DIAPH2: variants seen among roughly 807,000 people sequenced by gnomAD.
The protein encoded by DIAPH2 is diaphanous related formin 2.
In DIAPH2, 35 loss-of-function variants were observed where a neutral mutation model predicts 92.7. That is an observed-to-expected ratio of 0.38 (90% CI 0.29 to 0.50). The LOEUF is 0.50. Ranked by LOEUF, DIAPH2 falls within the 20% of genes least tolerant of loss-of-function variation. The pLI, the probability that DIAPH2 is intolerant of heterozygous loss-of-function variation, is 0.94. For missense variants in DIAPH2, 701 were observed against 819.5 expected, an observed-to-expected ratio of 0.86 and a Z score of 1.77; for synonymous variants, 301 against 280.4, an observed-to-expected ratio of 1.07 and a Z score of -0.73.
At chrX:97,423,891 A>T (rs2070036007) in intron 25 of DIAPH2, among the ~76,000 whole-genome samples, 1 of 111,597 alleles carries the variant, frequency 9.0e-6, no homozygotes, top group African/African-American at 3.3e-5. Context: ...TTTTTTCTTG[A>T]GGTTGAACTC....
intron 26 of DIAPH2, among the ~76,000 whole-genome samples, chrX:97,487,897 G>C (rs1395273396): frequency 1.8e-5 from 2 of 111,905 alleles, no homozygotes; most frequent in African/African-American, 6.5e-5. Flanking sequence ...ATACCTGTTG[G>C]CCATTTGTAT....
At chrX:96,695,433 A>C (rs2063820367) in intron 1 of DIAPH2, among the ~76,000 whole-genome samples, 1 of 112,261 alleles carries the variant, frequency 8.9e-6, no homozygotes, top group African/African-American at 3.2e-5. Context: ...TGCTTCATCA[A>C]ACTGCATTCA....
At chrX:97,134,484 T>A (rs1398476205) in intron 21 of DIAPH2, among the ~76,000 whole-genome samples, 1 of 111,605 alleles carries the variant, frequency 9.0e-6, no homozygotes, top group Non-Finnish European at 1.9e-5. Context: ...GTCTCCCTAG[T>A]GGCATGCATC....
At chrX:97,072,182 C>T (rs760018763) in intron 17 of DIAPH2, among the ~76,000 whole-genome samples, 2 of 111,614 alleles carry the variant, frequency 1.8e-5, no homozygotes, top group Non-Finnish European at 3.8e-5. Flanking sequence ...GGCCGGCCTA[C>T]TTGGGGAGTT....
At chrX:97,357,775 C>T (rs2069282125) in intron 24 of DIAPH2, among the ~76,000 whole-genome samples, 1 of 111,787 alleles carries the variant, frequency 8.9e-6, no homozygotes, top group Non-Finnish European at 1.9e-5. Context: ...GTGGGAAAGG[C>T]AGTGAAAGAA....
rs1057212348 is a variant in DIAPH2, at chrX:96,814,272, T to C, written c.447+56014T>C. ...TTCTCCTCTCGCTTTATTTCATTGA[T>C]TTGATCTTCAATCACTGATACCCTT... On this transcript the variant is annotated intron_variant, in intron 4 of 26. Coordinates refer to ENST00000324765, the MANE Select transcript of DIAPH2 (RefSeq NM_006729.5). Among the ~76,000 whole-genome samples the C allele has an allele frequency of 8.0e-5, 9 of 111,931 alleles. No individual in the cohort carries two copies. The Admixed American group carries it at 8.6e-4, about 11-fold the overall frequency.
chrX:97,302,387 C>A (rs1176486430), intron 23 of DIAPH2, among the ~76,000 whole-genome samples: 3 of 105,616 alleles, frequency 2.8e-5, no homozygotes, highest in Admixed American at 2.1e-4. Flanking sequence ...AAAAATTAGC[C>A]GGGTGTGGTG....
At chrX:97,011,427 T>G (rs973790706) in intron 17 of DIAPH2, among the ~76,000 whole-genome samples, 1 of 111,940 alleles carries the variant, frequency 8.9e-6, no homozygotes, top group African/African-American at 3.2e-5. Context: ...GAATTCACAG[T>G]CCAATTAGAG....
intron 26 of DIAPH2, among the ~76,000 whole-genome samples, chrX:97,558,988 T>C (rs1022359715): frequency 7.1e-5 from 8 of 112,041 alleles, no homozygotes; most frequent in Non-Finnish European, 5.6e-5. Flanking sequence ...GGTAGCAACA[T>C]TGAGGCTTAG....
intron 22 of DIAPH2, among the ~76,000 whole-genome samples, chrX:97,196,436 T>G (rs1178182448): frequency 3.6e-5 from 4 of 112,282 alleles, no homozygotes; most frequent in Non-Finnish European, 7.5e-5. Context: ...AACAGAAATT[T>G]GTTGATAGAA....
chrX:97,090,404 C>T (rs897596425), intron 19 of DIAPH2, among the ~76,000 whole-genome samples: 3 of 104,185 alleles, frequency 2.9e-5, no homozygotes, highest in Middle Eastern at 5.2e-3. Context: ...CACCGCTGCC[C>T]GCCACGCCCG....
chrX:97,531,468 GCTAA>G (rs750196650), intron 26 of DIAPH2, among the ~76,000 whole-genome samples: 126 of 111,705 alleles, frequency 1.1e-3, no homozygotes, highest in African/African-American at 3.4e-3. Context: ...AGTAAAATCG[GCTAA>G]CTAACTTAAT....
At chrX:96,959,221 G>T (rs2065831929) in intron 16 of DIAPH2, among the ~76,000 whole-genome samples, 1 of 111,322 alleles carries the variant, frequency 9.0e-6, no homozygotes, top group South Asian at 3.8e-4. Flanking sequence ...TTTCCATAAT[G>T]GCTGTACTAT....
intron 4 of DIAPH2, among the ~76,000 whole-genome samples, chrX:96,854,961 A>C (rs2065030730): frequency 9.1e-6 from 1 of 110,129 alleles, no homozygotes; most frequent in Admixed American, 9.7e-5. Context: ...TATCTGAAAT[A>C]AACATTGAGA....
chrX:96,828,252 C>A (rs767558051), intron 4 of DIAPH2, among the ~76,000 whole-genome samples: 1 of 111,568 alleles, frequency 9.0e-6, no homozygotes, highest in Non-Finnish European at 1.9e-5. Flanking sequence ...TGAGAATGGG[C>A]CTGTATTACT....
intron 17 of DIAPH2, among the ~76,000 whole-genome samples, chrX:97,010,671 A>G (rs2066218646): frequency 8.9e-6 from 1 of 112,074 alleles, no homozygotes; most frequent in African/African-American, 3.2e-5. Context: ...ACGTTTCAGA[A>G]CATTATTTTT....
At chrX:96,967,889 T>G (rs192965967) in intron 17 of DIAPH2, among the ~76,000 whole-genome samples, 188 of 111,804 alleles carry the variant, frequency 1.7e-3, no homozygotes, top group African/African-American at 5.8e-3. Context: ...GGGAAATGAT[T>G]TCTTTTCTTT....
chrX:97,406,243 T>C, intron 25 of DIAPH2, among the ~76,000 whole-genome samples: 1 of 112,015 alleles, frequency 8.9e-6, no homozygotes, highest in South Asian at 3.7e-4. Context: ...TCAAATTGTT[T>C]TTTAAAAATG....
Position 97,602,165 on chromosome X carries a change from C to G in DIAPH2, c.*2848C>G, listed in dbSNP as rs1375014053. ...TGGCTATGTCTTTTAGGAAGCCACT[C>G]TTAGCCCACCAGAGTCTGCCCTTTG... On this transcript the variant is annotated 3_prime_UTR_variant, in exon 27 of 27. Coordinates refer to ENST00000324765, the MANE Select transcript of DIAPH2 (RefSeq NM_006729.5). 8.9e-6 allele frequency: 1 copy of G among 112,381 alleles called. No homozygotes were observed. Among genetic ancestry groups the G allele is most frequent in the Non-Finnish European group, 1.9e-5 (1 of 53,273 alleles). The allele number at this position is 112,381 out of a possible 1,213,427, so 9.3% of individuals were successfully genotyped here. A position where few individuals can be genotyped will look rare whatever the true frequency, so the allele number is the denominator to read the frequency against.
Sources: allele counts gnomAD v4.1 joint callset (sites outside exome capture counted in the v4.1 genomes callset), GRCh38; gene constraint gnomAD v4.1.1; transcripts MANE v1.5; gene names NCBI Gene and HGNC (gene_info 2026-07-23, HGNC 2026-07-21).